NBPF26: variants seen among roughly 807,000 people sequenced by gnomAD.
NBPF26 encodes NBPF family member NBPF26.
A neutral mutation model predicts 119.6 loss-of-function variants in NBPF26; 79 were observed. The ratio of observed to expected loss-of-function variants is 0.66; its 90% CI spans 0.55 to 0.80. NBPF26 has a LOEUF of 0.80. Ranked by LOEUF, NBPF26 falls within the 30% of genes least tolerant of loss-of-function variation. The pLI is 0.00. For missense variants in NBPF26, 800 were observed against 1,198.2 expected (o/e 0.67, Z 4.91); for synonymous variants, 299 against 457.7 (o/e 0.65, Z 4.43).
At position 120,811,196 on chromosome 1, in the gene NBPF26, C is replaced by T. The variant is rs1553270922; in HGVS notation, c.1564+638C>T. Among the ~76,000 whole-genome samples the T allele has an allele frequency of 8.0e-4, 84 of 104,534 alleles. 18 individuals carry two copies. In the East Asian group the frequency reaches 0.015, roughly 19 times the overall value. The allele number at this position is 104,534 out of a possible 152,430, so 68.6% of individuals were successfully genotyped here. A position where few individuals can be genotyped will look rare whatever the true frequency, so the allele number is the denominator to read the frequency against. On this transcript the variant is annotated intron_variant, in intron 9 of 29. Coordinates refer to ENST00000620612, the Ensembl canonical transcript of NBPF26. ...CCAGGAACCGGAGCTTGCAGTGAGC[C>T]AAGATTGTGCCACTGCACTCCAGCC...
intron 1 of NBPF26, among the ~76,000 whole-genome samples, chr1:120,752,554 A>AT (rs1188849971): frequency 0.017 from 62 of 3,746 alleles, 10 homozygotes; most frequent in Non-Finnish European, 0.017. Context: ...ATATATATAT[A>AT]TTTTTTTTTT....
In NBPF26 at chr1:120,787,926, G is replaced by T. The variant is rs1263908974; in HGVS notation, c.415+2693G>T. Among the ~76,000 whole-genome samples the T allele has an allele frequency of 2.7e-5, 3 of 109,814 alleles. 1 individual carries two copies. The highest frequency in any genetic ancestry group is 2.6e-4 in the Admixed American group (3 of 11,490). The allele number at this position is 109,814 out of a possible 152,430, so 72.0% of individuals were successfully genotyped here. On this transcript the variant is annotated intron_variant, in intron 3 of 29. Coordinates refer to ENST00000620612, the Ensembl canonical transcript of NBPF26. ...GAGGACAATTACAGTCCTCATTTCT[G>T]CAGCTGGTCACATGGTAGTAGGTGG... is the stretch of plus-strand genomic sequence containing the variant.
intron 1 of NBPF26, among the ~76,000 whole-genome samples, chr1:120,728,029 A>G (rs1463538759): frequency 7.6e-5 from 9 of 118,916 alleles, no homozygotes; most frequent in African/African-American, 4.3e-4. Context: ...AGAGCCAATT[A>G]GAGTTGAGAC....
rs1651976611 is a variant in NBPF26, at chr1:120,815,078, C to G, written c.2092+35C>G. ...CCATAGGCCCTGATGACCCAAAATCCCAGGCTTATGAGAGACTCCAGACCT... is the reference window on the plus strand; with the variant it reads ...CCATAGGCCCTGATGACCCAAAATCGCAGGCTTATGAGAGACTCCAGACCT... On this transcript the variant is annotated intron_variant, in intron 12 of 29. Coordinates refer to ENST00000620612, the Ensembl canonical transcript of NBPF26. The G allele has an allele frequency of 3.6e-6, 4 of 1,126,474 alleles. 1 individual carries two copies. The highest frequency in any genetic ancestry group is 5.1e-6 in the Non-Finnish European group (4 of 788,612). The allele number at this position is 1,126,474 out of a possible 1,614,324, so 69.8% of individuals were successfully genotyped here. A position where few individuals can be genotyped will look rare whatever the true frequency, so the allele number is the denominator to read the frequency against.
chr1:120,805,686 A>G (rs1441180873), exon 5 of NBPF26: 1 of 1,457,966 alleles, frequency 6.9e-7, no homozygotes, highest in African/African-American at 2.1e-5. Flanking sequence ...CAGAGAACAA[A>G]CAGCAGTTGA....
chr1:120,808,324 G>A (rs1239667510), intron 6 of NBPF26, among the ~76,000 whole-genome samples: 1 of 118,924 alleles, frequency 8.4e-6, no homozygotes, highest in Non-Finnish European at 1.7e-5. Flanking sequence ...AAAGATGAAT[G>A]GAACATCATC....
rs1312988808 is a variant in NBPF26, at chr1:120,735,336, AT to A, written c.73+11088del. On this transcript the variant is annotated intron_variant, in intron 1 of 29. Coordinates refer to ENST00000620612, the Ensembl canonical transcript of NBPF26. ...CGCCTCAGCCTCCCAAAGTGCTGGG[AT>A]TACAGGCGTGAGCCACCGTGCCTGG... is the stretch of plus-strand genomic sequence containing the variant. Among the ~76,000 whole-genome samples the A allele has an allele frequency of 2.5e-5, 2 of 81,384 alleles. 1 individual carries two copies. The highest frequency in any genetic ancestry group is 2.1e-4 in the African/African-American group (2 of 9,710). The allele number at this position is 81,384 out of a possible 152,430, so 53.4% of individuals were successfully genotyped here.
At chr1:120,768,239 T>G (rs1368553761) in intron 2 of NBPF26, among the ~76,000 whole-genome samples, 7 of 113,696 alleles carry the variant, frequency 6.2e-5, no homozygotes, top group Non-Finnish European at 1.2e-4. Flanking sequence ...AGGGGTTCAG[T>G]GGAAAGTGTG....
At chr1:120,819,389 G>C in intron 15 of NBPF26, among the ~76,000 whole-genome samples, 1 of 110,214 alleles carries the variant, frequency 9.1e-6, no homozygotes, top group East Asian at 2.2e-4. Context: ...ATGTGAGATG[G>C]GTTTCCTGAG....
exon 3 of NBPF26, chr1:120,785,073 G>T: frequency 6.9e-7 from 1 of 1,446,100 alleles, no homozygotes; most frequent in Non-Finnish European, 9.2e-7. Context: ...AGGCCATGCT[G>T]GGGAAAGCCA....
chr1:120,790,800 A>G (rs1274069079), intron 3 of NBPF26, among the ~76,000 whole-genome samples: 1 of 105,134 alleles, frequency 9.5e-6, no homozygotes, highest in Non-Finnish European at 1.8e-5. Context: ...GCGTTTCACC[A>G]TGTTGGCCAG....
At position 120,823,309 on chromosome 1, in the gene NBPF26, G is replaced by A. The variant is rs1652164557; in HGVS notation, c.2588G>A (p.Arg863Lys). The change falls in exon 17 of 30, where the codon AGA becomes AAA. Residue 863 changes from arginine to lysine, a missense_variant and splice_region_variant. Around this residue, in one of 13 missense-constraint regions of NBPF26, gnomAD observed 73 missense variants for 50.7 expected, o/e 1.44. Transcript: ENST00000620612. ...AGGGCCCATCTGAATTTATTTGCAG[G>A]ACATCGGTGGGATCAAGTGAAAAAG... 1.0e-5 allele frequency: 14 copies of A among 1,389,870 alleles called. 4 individuals are homozygous for A. The highest frequency in any genetic ancestry group is 2.0e-4 in the Middle Eastern group (1 of 5,022). 86.1% of individuals were successfully genotyped at this position (1,389,870 alleles called of 1,614,324 possible). A position where few individuals can be genotyped will look rare whatever the true frequency, so the allele number is the denominator to read the frequency against.
At chr1:120,823,121 G>A (rs1473786268) in intron 16 of NBPF26, among the ~76,000 whole-genome samples, 188 bp from the exon 17 acceptor site, 15 of 114,568 alleles carry the variant, frequency 1.3e-4, no homozygotes, top group East Asian at 1.3e-3. Context: ...TTTGCCCAAG[G>A]CTCATGAAAG....
rs1483809596 is a variant in NBPF26, at chr1:120,764,297, G to C, written c.155+588G>C. Among the ~76,000 whole-genome samples the C allele has an allele frequency of 2.8e-5, 3 of 105,938 alleles. 1 individual carries two copies. Among genetic ancestry groups the C allele is most frequent in the Non-Finnish European group, 5.3e-5 (3 of 56,338 alleles). The allele number at this position is 105,938 out of a possible 152,430, so 69.5% of individuals were successfully genotyped here. Reference sequence around the variant, plus strand: ...AAAAATATATATTAGATTCCCTTGTGTTTTTCAGATTAAGGCATACTCTTA... The same window carrying C: ...AAAAATATATATTAGATTCCCTTGTCTTTTTCAGATTAAGGCATACTCTTA... On this transcript the variant is annotated intron_variant, in intron 2 of 29. Coordinates refer to ENST00000620612, the Ensembl canonical transcript of NBPF26.
intron 4 of NBPF26, among the ~76,000 whole-genome samples, chr1:120,794,145 CTA>C (rs1246508309): frequency 1.8e-5 from 2 of 114,048 alleles, no homozygotes; most frequent in South Asian, 2.5e-4. Context: ...ATATGAGAGA[CTA>C]TGTGTGGCAC....
In NBPF26 at chr1:120,819,286, G is replaced by C. The variant is rs1405997031; in HGVS notation, c.2423+1112G>C. Among the ~76,000 whole-genome samples the C allele has an allele frequency of 2.7e-4, 31 of 116,826 alleles. 9 individuals are homozygous for C. The highest frequency in any genetic ancestry group is 1.5e-3 in the African/African-American group (31 of 20,548). 76.6% of individuals were successfully genotyped at this position (116,826 alleles called of 152,430 possible). ...TTGGTTTAAAGTCTGTTTTATCAGA[G>C]ACTAGGATTGCAACCCCTGCCTTTT... On this transcript the variant is annotated intron_variant, in intron 15 of 29. Transcript: ENST00000620612.
intron 10 of NBPF26, 58 bp downstream of exon 10, chr1:120,812,153 G>A: frequency 2.0e-6 from 2 of 992,046 alleles, no homozygotes; most frequent in Non-Finnish European, 3.0e-6. Flanking sequence ...TCTTCTCTCT[G>A]AGACACTAAA....
chr1:120,816,820 T>C, exon 14 of NBPF26: 1 of 1,447,048 alleles, frequency 6.9e-7, no homozygotes, highest in Non-Finnish European at 9.2e-7. Context: ...CTGTACACAT[T>C]ATTCCAGGTA....
At position 120,823,758 on chromosome 1, in the gene NBPF26, G is replaced by GTGTGTGTGTGTA. The variant is rs1226054854; in HGVS notation, c.2640-205_2640-204insATGTGTGTGTGT. Among the ~76,000 whole-genome samples the GTGTGTGTGTGTA allele has an allele frequency of 2.3e-3, 237 of 103,036 alleles. 54 individuals carry two copies. The highest frequency in any genetic ancestry group is 0.013 in the African/African-American group (216 of 16,532). 67.6% of individuals were successfully genotyped at this position (103,036 alleles called of 152,430 possible). ...CCAATTCACTGAGCTCGCTCTGTGT[G>GTGTGTGTGTGTA]TGTGTGTGTGTGTGTGTGTGTGTGT... On this transcript the variant is annotated intron_variant, in intron 17 of 29. Transcript: ENST00000620612.
Sources: allele counts gnomAD v4.1 joint callset (sites outside exome capture counted in the v4.1 genomes callset), GRCh38; gene constraint gnomAD v4.1.1; regional missense constraint gnomAD v4.1.1; transcripts MANE v1.5; gene names NCBI Gene and HGNC (gene_info 2026-07-23, HGNC 2026-07-21).